Variants in GULP1 observed in about 807,000 individuals in gnomAD.
GULP1 encodes PTB domain-containing engulfment adapter protein 1.
GULP1 carries 19 observed loss-of-function variants against 40.9 expected under a neutral mutation model. The ratio of observed to expected loss-of-function variants is 0.46; its 90% CI spans 0.32 to 0.68. The LOEUF is 0.68. Among genes scored for constraint, GULP1 ranks in the 30% least tolerant of loss-of-function variants. The pLI is 0.03. For synonymous variants in GULP1, 119 were observed against 117.6 expected, an observed-to-expected ratio of 1.01 and a Z score of -0.08; for missense variants, 312 against 362.2, an observed-to-expected ratio of 0.86 and a Z score of 1.12.
chr2:188,437,723 C>G (rs574057004), intron 2 of GULP1, among the ~76,000 whole-genome samples: 96 of 152,172 alleles, frequency 6.3e-4, no homozygotes, highest in Non-Finnish European at 1.1e-3. Flanking sequence ...GGTACATATA[C>G]AGCATGGAAT....
At chr2:188,423,404 C>G (rs2055725740) in intron 2 of GULP1, among the ~76,000 whole-genome samples, 1 of 151,698 alleles carries the variant, frequency 6.6e-6, no homozygotes, top group African/African-American at 2.4e-5. Flanking sequence ...GAATTAATAC[C>G]TATTTTTCCA....
chr2:188,537,329 G>GATGGCTGT (rs1689198215), intron 6 of GULP1, among the ~76,000 whole-genome samples: 1 of 151,994 alleles, frequency 6.6e-6, no homozygotes, highest in Non-Finnish European at 1.5e-5. Flanking sequence ...GTTGGTCATA[G>GATGGCTGT]ATGGCTGTAC....
At chr2:188,373,998 A>T (rs888389475) in intron 1 of GULP1, among the ~76,000 whole-genome samples, 1 of 152,068 alleles carries the variant, frequency 6.6e-6, no homozygotes. Context: ...TTAATAGAAT[A>T]TCACAACCTA....
intron 7 of GULP1, among the ~76,000 whole-genome samples, chr2:188,549,278 T>A (rs1692829250): frequency 6.6e-6 from 1 of 151,760 alleles, no homozygotes. Flanking sequence ...GACAAATAAC[T>A]AGTAAAAAAT....
At chr2:188,449,975 C>T (rs1426417381) in intron 2 of GULP1, among the ~76,000 whole-genome samples, 1 of 152,098 alleles carries the variant, frequency 6.6e-6, no homozygotes, top group African/African-American at 2.4e-5. Context: ...TTCAGTAGTA[C>T]ACATTTAGAT....
chr2:188,426,397 G>A (rs1268348542), intron 2 of GULP1, among the ~76,000 whole-genome samples: 4 of 152,046 alleles, frequency 2.6e-5, no homozygotes, highest in African/African-American at 7.2e-5. Flanking sequence ...CTTTCTTATC[G>A]GGACCTTAAA....
intron 4 of GULP1, among the ~76,000 whole-genome samples, chr2:188,517,366 A>G (rs1559333936): frequency 1.3e-5 from 2 of 151,626 alleles, no homozygotes; most frequent in African/African-American, 2.4e-5. Flanking sequence ...ATTTCTGTCA[A>G]TTCTCTTTTG....
intron 10 of GULP1, among the ~76,000 whole-genome samples, chr2:188,586,794 A>G (rs745758652): frequency 6.6e-6 from 1 of 152,016 alleles, no homozygotes; most frequent in Admixed American, 6.5e-5. Context: ...GAAAAGTAAG[A>G]CTCCTTCACA....
At chr2:188,568,686 C>T (rs1363085126) in intron 7 of GULP1, among the ~76,000 whole-genome samples, 1 of 152,162 alleles carries the variant, frequency 6.6e-6, no homozygotes, top group African/African-American at 2.4e-5. Context: ...TGCTCACTTC[C>T]ACCAGGCAAC....
chr2:188,346,864 A>C (rs78841241), intron 1 of GULP1, among the ~76,000 whole-genome samples: 2 of 151,228 alleles, frequency 1.3e-5, no homozygotes, highest in African/African-American at 4.8e-5. Context: ...CCAACTACTC[A>C]GGAGGCTGAG....
chr2:188,567,347 C>T (rs1214594784), intron 7 of GULP1, among the ~76,000 whole-genome samples: 2 of 152,130 alleles, frequency 1.3e-5, no homozygotes, highest in African/African-American at 2.4e-5. Flanking sequence ...TTTATTGCAG[C>T]ACTATTTCCA....
intron 1 of GULP1, among the ~76,000 whole-genome samples, chr2:188,331,082 C>T (rs192383492): frequency 1.3e-5 from 2 of 152,320 alleles, no homozygotes; most frequent in East Asian, 3.9e-4. Context: ...CAAAACATAT[C>T]CCGCTAATTT....
chr2:188,444,651 C>T (rs2058228886), intron 2 of GULP1, among the ~76,000 whole-genome samples: 2 of 152,254 alleles, frequency 1.3e-5, no homozygotes, highest in South Asian at 2.1e-4. Context: ...TAGTAATTTC[C>T]GATATTCTGT....
At chr2:188,396,428 G>A (rs913989951) in intron 2 of GULP1, among the ~76,000 whole-genome samples, 2 of 152,220 alleles carry the variant, frequency 1.3e-5, no homozygotes, top group Non-Finnish European at 2.9e-5. Context: ...GTACAGAAGA[G>A]TCCATATGCG....
At chr2:188,562,807 G>A (rs1332021742) in intron 7 of GULP1, among the ~76,000 whole-genome samples, 1 of 152,066 alleles carries the variant, frequency 6.6e-6, no homozygotes, top group Non-Finnish European at 1.5e-5. Flanking sequence ...GACTCAATAA[G>A]TTTCAAAACT....
At chr2:188,499,135 G>GTATATA (rs893185238) in intron 4 of GULP1, among the ~76,000 whole-genome samples, 117 of 56,338 alleles carry the variant, frequency 2.1e-3, no homozygotes, top group Admixed American at 4.4e-3. Context: ...ATATGTGTGT[G>GTATATA]TATATATATA....
intron 9 of GULP1, among the ~76,000 whole-genome samples, chr2:188,580,223 A>G (rs574600722): frequency 6.6e-6 from 1 of 152,352 alleles, no homozygotes; most frequent in South Asian, 2.1e-4. Context: ...AATTGTGTAC[A>G]TACACATCTC....
chr2:188,330,066 A>G (rs889312275), intron 1 of GULP1, among the ~76,000 whole-genome samples: 5 of 152,188 alleles, frequency 3.3e-5, no homozygotes, highest in Admixed American at 2.6e-4. Flanking sequence ...GTCATCATAT[A>G]GGTAGTATTT....
chr2:188,552,910 T>C lies in GULP1; in HGVS notation c.399+11592T>C, dbSNP rs961219391. Among the ~76,000 whole-genome samples, 9 of 150,434 alleles carry C rather than the reference T, an allele frequency of 6.0e-5. No homozygotes were observed. The East Asian group carries it at 1.6e-3, about 26-fold the overall frequency. ...ATACATATATGTGTTTATCTCTCTC[T>C]ATATATATACGTATATATATGCATG... On this transcript the variant is annotated intron_variant, in intron 7 of 11. Transcript: ENST00000409830.
Sources: gnomAD v4.1 joint callset for allele counts (sites outside exome capture counted in the v4.1 genomes callset) on GRCh38, gnomAD v4.1.1 for gene constraint, MANE v1.5 for transcripts, NCBI Gene and HGNC (gene_info 2026-07-23, HGNC 2026-07-21) for gene names.